Variants in ARHGAP25 observed in about 807,000 individuals in gnomAD.
ARHGAP25 encodes the protein rho GTPase-activating protein 25.
Under a neutral mutation model 71.0 loss-of-function variants are expected in ARHGAP25, and 34 were observed. The ratio of observed to expected loss-of-function variants is 0.48; its 90% CI spans 0.36 to 0.64. ARHGAP25 has a LOEUF of 0.64. ARHGAP25 is among the 30% of genes least tolerant of loss of function. The probability of loss-of-function intolerance (pLI) is 0.00; values close to 1 mark genes in which losing one functional copy is unlikely to be tolerated. For missense variants in ARHGAP25, 706 were observed against 805.1 expected (o/e 0.88, Z 1.49); for synonymous variants, 282 against 296.5 (o/e 0.95, Z 0.50).
intron 5 of ARHGAP25, among the ~76,000 whole-genome samples, chr2:68,810,733 T>TTTC (rs1344219458): frequency 1.2e-3 from 8 of 6,838 alleles, no homozygotes; most frequent in South Asian, 5.4e-3. Flanking sequence ...TTTCTTCTCT[T>TTTC]TTTTTTTTTT....
intron 1 of ARHGAP25, among the ~76,000 whole-genome samples, chr2:68,769,399 T>C (rs1677337650): frequency 6.6e-6 from 1 of 152,156 alleles, no homozygotes. Flanking sequence ...ATGCATGTTA[T>C]TATCACAGCT....
chr2:68,725,704 G>T (rs1010942360), intron 2 of ARHGAP25, among the ~76,000 whole-genome samples: 2 of 152,140 alleles, frequency 1.3e-5, no homozygotes, highest in Non-Finnish European at 2.9e-5. Context: ...CAAAGTTCCA[G>T]CAAAGTCCTA....
chr2:68,748,505 A>G (rs1242024852), intron 1 of ARHGAP25, among the ~76,000 whole-genome samples: 7 of 152,220 alleles, frequency 4.6e-5, no homozygotes, highest in Admixed American at 3.9e-4. Flanking sequence ...ATGCACTTTT[A>G]GATAGTCACT....
intron 1 of ARHGAP25, among the ~76,000 whole-genome samples, chr2:68,742,059 A>G (rs1021287537): frequency 1.3e-5 from 2 of 152,052 alleles, no homozygotes; most frequent in African/African-American, 4.8e-5. Flanking sequence ...ACTACCATCT[A>G]TTCTCCTTAA....
intron 4 of ARHGAP25, among the ~76,000 whole-genome samples, chr2:68,801,633 C>G (rs1300522245): frequency 2.0e-5 from 3 of 152,310 alleles, no homozygotes; most frequent in Non-Finnish European, 2.9e-5. Flanking sequence ...CAGGTAGTGA[C>G]AGCTCTCTGA....
chr2:68,764,853 A>T (rs569890484), intron 1 of ARHGAP25, among the ~76,000 whole-genome samples: 1 of 152,208 alleles, frequency 6.6e-6, no homozygotes, highest in Non-Finnish European at 1.5e-5. Context: ...CCTATCCTAC[A>T]TCTTGCAGAA....
intron 2 of ARHGAP25, among the ~76,000 whole-genome samples, chr2:68,713,688 TGA>T (rs1363133652): frequency 1.3e-5 from 2 of 152,196 alleles, no homozygotes; most frequent in East Asian, 3.8e-4. Flanking sequence ...CCTAGTTTAT[TGA>T]GAGTTTTTAG....
At chr2:68,812,169 T>A (rs554046781) in intron 5 of ARHGAP25, among the ~76,000 whole-genome samples, 1 of 152,366 alleles carries the variant, frequency 6.6e-6, no homozygotes, top group East Asian at 1.9e-4. Context: ...AGTACATAAA[T>A]GAACAAGTGT....
intron 1 of ARHGAP25, among the ~76,000 whole-genome samples, chr2:68,773,836 A>G (rs1677648295): frequency 6.6e-6 from 1 of 152,214 alleles, no homozygotes; most frequent in Non-Finnish European, 1.5e-5. Flanking sequence ...AGCAAGAGTA[A>G]CATATACTTA....
At chr2:68,757,532 A>T (rs1676557131) in intron 1 of ARHGAP25, 1 of 152,162 alleles carries the variant, frequency 6.6e-6, no homozygotes, top group African/African-American at 2.4e-5. Flanking sequence ...TTCAGCTGTC[A>T]ACTAGAAATT....
intron 1 of ARHGAP25, among the ~76,000 whole-genome samples, chr2:68,737,504 C>A (rs1675283213): frequency 6.6e-6 from 1 of 152,258 alleles, no homozygotes; most frequent in South Asian, 2.1e-4. Context: ...GATGGTAACA[C>A]CCCCCTACCA....
At chr2:68,761,505 G>A (rs1676816682) in intron 1 of ARHGAP25, among the ~76,000 whole-genome samples, 2 of 150,170 alleles carry the variant, frequency 1.3e-5, no homozygotes, top group African/African-American at 4.9e-5. Flanking sequence ...TTAATATCCA[G>A]AATGTATAAA....
intron 1 of ARHGAP25, among the ~76,000 whole-genome samples, chr2:68,758,724 A>G (rs1320182074): frequency 6.6e-6 from 1 of 151,916 alleles, no homozygotes; most frequent in Non-Finnish European, 1.5e-5. Flanking sequence ...AAGTGAAGAA[A>G]TAGAGGACTT....
At chr2:68,791,509 G>A (rs1284769478) in intron 4 of ARHGAP25, among the ~76,000 whole-genome samples, 2 of 151,828 alleles carry the variant, frequency 1.3e-5, no homozygotes, top group Non-Finnish European at 2.9e-5. Context: ...CAAGTATGTC[G>A]GTGGTGAGTC....
Position 68,822,725 on chromosome 2 carries a change from G to C in ARHGAP25, c.1586G>C (p.Gly529Ala), listed in dbSNP as rs780362985. 3.1e-6 allele frequency: 5 copies of C among 1,614,200 alleles called. No individual in the cohort carries two copies. In the East Asian group the frequency reaches 8.9e-5, roughly 29 times the overall value. ...TCTTCCCAAGCCTGTGACTCCAAGG[G>C]AGATACTCTTGCCAGTCCAAACTCT... ...ALSSQACDSKGDTLASPNSET... is the reference protein window; with the variant it reads ...ALSSQACDSKADTLASPNSET... Residue 529 changes from glycine to alanine, a missense_variant, in exon 10 of 11, where the codon GGA becomes GCA. Physicochemically the swap from Gly to Ala is moderately conservative, Grantham distance 60. Coordinates refer to ENST00000409202, the MANE Select transcript of ARHGAP25 (RefSeq NM_001007231.3).
chr2:68,750,471 T>A (rs1423285137), intron 1 of ARHGAP25, among the ~76,000 whole-genome samples: 1 of 152,008 alleles, frequency 6.6e-6, no homozygotes, highest in African/African-American at 2.4e-5. Flanking sequence ...TACAGGCACC[T>A]GTCACCATGC....
At chr2:68,775,536 G>A in intron 2 of ARHGAP25, 116 bp downstream of exon 2, 1 of 1,502,402 alleles carries the variant, frequency 6.7e-7, no homozygotes. Context: ...CACACCCATT[G>A]GAAAGGAAAT....
intron 2 of ARHGAP25, among the ~76,000 whole-genome samples, chr2:68,726,395 G>A (rs534906687): frequency 4.6e-5 from 7 of 152,332 alleles, no homozygotes; most frequent in African/African-American, 1.2e-4. Flanking sequence ...GAGGTGTTAC[G>A]TGAGGGACAT....
At chr2:68,805,095 G>A (rs1046830869) in intron 4 of ARHGAP25, among the ~76,000 whole-genome samples, 2 of 152,210 alleles carry the variant, frequency 1.3e-5, no homozygotes, top group African/African-American at 4.8e-5. Context: ...GGCCAAGGAG[G>A]AGAAAAAGAA....
Sources: gnomAD v4.1 joint callset for allele counts (sites outside exome capture counted in the v4.1 genomes callset) on GRCh38, gnomAD v4.1.1 for gene constraint, MANE v1.5 for transcripts, NCBI Gene and HGNC (gene_info 2026-07-23, HGNC 2026-07-21) for gene names.